SPOCK1: variants seen among roughly 807,000 people sequenced by gnomAD.
The protein encoded by SPOCK1 is SPARC (osteonectin), cwcv and kazal like domains proteoglycan 1.
SPOCK1 carries 23 observed loss-of-function variants against 55.3 expected under a neutral mutation model. The ratio of observed to expected loss-of-function variants is 0.42; its 90% CI spans 0.30 to 0.59. The LOEUF (loss-of-function observed/expected upper bound fraction) is 0.59, where lower values mean the gene tolerates loss of function less well. Among genes scored for constraint, SPOCK1 ranks in the 20% least tolerant of loss-of-function variants. The pLI is 0.22. For missense variants in SPOCK1, 499 were observed against 552.5 expected, an observed-to-expected ratio of 0.90 and a Z score of 0.97; for synonymous variants, 226 against 221.0, an observed-to-expected ratio of 1.02 and a Z score of -0.20.
chr5:137,011,104 G>A (rs35788507), intron 6 of SPOCK1, among the ~76,000 whole-genome samples: 3,681 of 152,192 alleles, frequency 0.024, 166 homozygotes, highest in African/African-American at 0.084. Flanking sequence ...AGCCAATAGC[G>A]CAGGCAGGAG....
chr5:137,162,947 G>A (rs1225977058), intron 3 of SPOCK1, among the ~76,000 whole-genome samples: 3 of 152,136 alleles, frequency 2.0e-5, no homozygotes, highest in Admixed American at 1.3e-4. Context: ...TCCTTGTGAC[G>A]CTATTTGGGA....
chr5:137,160,624 T>TTATATAATATACAATATATAA (rs1754530461), intron 3 of SPOCK1, among the ~76,000 whole-genome samples: 1 of 69,340 alleles, frequency 1.4e-5, no homozygotes, highest in Non-Finnish European at 2.5e-5. Context: ...AATATATATT[T>TTATATAATATACAATATATAA]TATATAATAT....
At chr5:137,364,673 C>T (rs1467439581) in intron 2 of SPOCK1, among the ~76,000 whole-genome samples, 1 of 152,166 alleles carries the variant, frequency 6.6e-6, no homozygotes, top group East Asian at 1.9e-4. Flanking sequence ...AAATCTGAAC[C>T]TGCCCCCCCG....
chr5:137,195,849 A>G (rs1041761486), intron 3 of SPOCK1, among the ~76,000 whole-genome samples: 34 of 152,326 alleles, frequency 2.2e-4, no homozygotes, highest in African/African-American at 6.3e-4. Flanking sequence ...CCAGGGATGC[A>G]GATGCCAGCC....
At position 137,376,900 on chromosome 5, in the gene SPOCK1, T is replaced by C. The variant is rs370456089; in HGVS notation, c.187-109845A>G. Among the ~76,000 whole-genome samples the C allele has an allele frequency of 5.3e-5, 8 of 152,312 alleles. No individual in the cohort carries two copies. The East Asian group carries it at 1.2e-3, about 22-fold the overall frequency. ...TGTGCCTTCTTTTTGTGTACCAATA[T>C]GTTAAAATAGTACATTAAGAATTTT... On this transcript the variant is annotated intron_variant, in intron 2 of 10. Transcript: ENST00000394945.
chr5:137,031,647 A>G (rs1751781679), intron 6 of SPOCK1, among the ~76,000 whole-genome samples: 2 of 152,126 alleles, frequency 1.3e-5, no homozygotes, highest in Non-Finnish European at 2.9e-5. Flanking sequence ...ATTTTAACAC[A>G]TTCCTTCTAA....
intron 6 of SPOCK1, among the ~76,000 whole-genome samples, chr5:137,032,891 A>G (rs1751808847): frequency 6.6e-6 from 1 of 151,618 alleles, no homozygotes; most frequent in African/African-American, 2.4e-5. Flanking sequence ...AGGGGGCAAC[A>G]GGAAAAAGGA....
chr5:137,207,314 G>A (rs1181394308), intron 3 of SPOCK1, among the ~76,000 whole-genome samples: 1 of 152,224 alleles, frequency 6.6e-6, no homozygotes, highest in Non-Finnish European at 1.5e-5. Flanking sequence ...CTTTTCAGTG[G>A]GGGGCTGTTC....
intron 3 of SPOCK1, among the ~76,000 whole-genome samples, chr5:137,185,707 G>C (rs74856685): frequency 0.013 from 1,995 of 152,164 alleles, 41 homozygotes; most frequent in African/African-American, 0.046. Flanking sequence ...TGGTGCCAGG[G>C]TGCCGAGAGG....
At chr5:137,326,849 T>C (rs1030560750) in intron 2 of SPOCK1, among the ~76,000 whole-genome samples, 2 of 152,240 alleles carry the variant, frequency 1.3e-5, no homozygotes, top group Non-Finnish European at 2.9e-5. Flanking sequence ...CATTCCGCTG[T>C]GTTTATGCCC....
intron 2 of SPOCK1, among the ~76,000 whole-genome samples, chr5:137,464,786 G>A (rs569054150): frequency 1.2e-4 from 19 of 152,316 alleles, no homozygotes; most frequent in African/African-American, 4.3e-4. Context: ...GCAAAGGAAC[G>A]AGTGTGTCTT....
chr5:137,204,336 T>A (rs1755483227), intron 3 of SPOCK1, among the ~76,000 whole-genome samples: 1 of 152,154 alleles, frequency 6.6e-6, no homozygotes, highest in African/African-American at 2.4e-5. Context: ...CTAAAATGCT[T>A]CATGCATCCC....
chr5:137,248,377 G>A (rs1363241789), intron 3 of SPOCK1, among the ~76,000 whole-genome samples: 1 of 152,092 alleles, frequency 6.6e-6, no homozygotes, highest in Non-Finnish European at 1.5e-5. Context: ...CTGCACTTGG[G>A]TCATATAGGT....
chr5:137,114,340 G>A (rs1239390758), intron 4 of SPOCK1, among the ~76,000 whole-genome samples: 2 of 152,166 alleles, frequency 1.3e-5, no homozygotes, highest in African/African-American at 4.8e-5. Context: ...GCACACAGCT[G>A]TAGAGAGTGT....
intron 4 of SPOCK1, among the ~76,000 whole-genome samples, chr5:137,140,255 G>C (rs1006875845): frequency 3.3e-5 from 5 of 152,198 alleles, no homozygotes; most frequent in African/African-American, 1.2e-4. Flanking sequence ...TTAGTTGTAA[G>C]TTTCCTGGGT....
chr5:137,363,394 G>A (rs191274311), intron 2 of SPOCK1, among the ~76,000 whole-genome samples: 14 of 152,320 alleles, frequency 9.2e-5, no homozygotes, highest in Admixed American at 2.0e-4. Flanking sequence ...CCATAAGTCC[G>A]GAGTGCGGAG....
intron 2 of SPOCK1, among the ~76,000 whole-genome samples, chr5:137,299,425 TATAC>T (rs1282883891): frequency 5.3e-5 from 8 of 151,958 alleles, no homozygotes; most frequent in East Asian, 3.8e-4. Context: ...AAGAAAAATA[TATAC>T]ATATATAGTC....
chr5:137,498,250 C>T, intron 2 of SPOCK1, 123 bp downstream of exon 2: 1 of 1,013,682 alleles, frequency 9.9e-7, no homozygotes, highest in Non-Finnish European at 1.3e-6. Flanking sequence ...GAGATGCCCA[C>T]CTGTCCCCCT....
At chr5:137,027,203 TTC>T (rs1171472153) in intron 6 of SPOCK1, among the ~76,000 whole-genome samples, 8 of 152,202 alleles carry the variant, frequency 5.3e-5, no homozygotes, top group African/African-American at 1.7e-4. Context: ...GCCTGAGACT[TTC>T]TCAAGCTCTT....
Sources: gnomAD v4.1 joint callset for allele counts (sites outside exome capture counted in the v4.1 genomes callset) on GRCh38, gnomAD v4.1.1 for gene constraint, MANE v1.5 for transcripts, NCBI Gene and HGNC (gene_info 2026-07-23, HGNC 2026-07-21) for gene names.